The following ZFYVE21 variants were observed in gnomAD, a reference collection of about 807,000 sequenced individuals.
ZFYVE21 encodes zinc finger FYVE-type containing 21.
Under a neutral mutation model 29.5 loss-of-function variants are expected in ZFYVE21, and 21 were observed. The ratio of observed to expected loss-of-function variants is 0.71; its 90% CI spans 0.50 to 1.02. ZFYVE21 has a LOEUF of 1.02. ZFYVE21 is among the 50% of genes least tolerant of loss of function. The probability of loss-of-function intolerance (pLI) is 0.00; values close to 1 mark genes in which losing one functional copy is unlikely to be tolerated. For synonymous variants in ZFYVE21, 151 were observed against 133.8 expected (o/e 1.13, Z -0.89); for missense variants, 326 against 335.4 (o/e 0.97, Z 0.22).
Position 103,716,572 on chromosome 14 carries a change from C to T in ZFYVE21, c.138+593C>T, listed in dbSNP as rs543487564. ...GCGGGCCAGGCTGCCCCCCGTTTCC[C>T]TTCGTCTATACCACCCTCCACCTCG... On this transcript the variant is annotated intron_variant, in intron 1 of 6. Coordinates refer to ENST00000311141, the MANE Select transcript of ZFYVE21 (RefSeq NM_024071.4). The surrounding 1 kb of genome is among the most constrained non-coding windows in gnomAD (Gnocchi z 4.8). Among the ~76,000 whole-genome samples, 1 of 152,358 alleles carries T rather than the reference C, an allele frequency of 6.6e-6. No homozygotes were observed. The highest frequency in any genetic ancestry group is 1.5e-5 in the Non-Finnish European group (1 of 68,028).
chr14:103,732,215 C>T (rs1392871315), intron 5 of ZFYVE21: 1 of 159,374 alleles, frequency 6.3e-6, no homozygotes, highest in Non-Finnish European at 1.4e-5. Context: ...GTGGCCTCCA[C>T]TCTTCCCCCA....
At chr14:103,722,907 C>G (rs2083885932) in intron 1 of ZFYVE21, among the ~76,000 whole-genome samples, 1 of 152,128 alleles carries the variant, frequency 6.6e-6, no homozygotes, top group East Asian at 1.9e-4. Context: ...GCCTCAGCCT[C>G]CCAAAGTGCT....
intron 1 of ZFYVE21, among the ~76,000 whole-genome samples, chr14:103,722,172 G>A (rs1488372885): frequency 6.6e-6 from 1 of 151,934 alleles, no homozygotes; most frequent in African/African-American, 2.4e-5. Context: ...TTCATCCATT[G>A]CTTTATTTCA....
Position 103,726,950 on chromosome 14 carries a change from T to TTTTTTTTTG in ZFYVE21, c.189+116_189+117insGTTTTTTTT, listed in dbSNP as rs2083931940. 1.2e-4 allele frequency: 116 copies of TTTTTTTTTG among 967,998 alleles called. 2 individuals are homozygous for TTTTTTTTTG. Among genetic ancestry groups the TTTTTTTTTG allele is most frequent in the Admixed American group, 1.9e-4 (6 of 31,990 alleles). 60.0% of individuals were successfully genotyped at this position (967,998 alleles called of 1,614,324 possible). On this transcript the variant is annotated intron_variant, in intron 2 of 6. Transcript: ENST00000311141. ...GGACGGATGTCATCTTATGGCTCGT[T>TTTTTTTTTG]TTTTTTTTTTTTGAGACGGAGTTTC...
intron 1 of ZFYVE21, among the ~76,000 whole-genome samples, chr14:103,722,436 C>T (rs2151951251): frequency 6.7e-6 from 1 of 148,566 alleles, no homozygotes; most frequent in African/African-American, 2.5e-5. Flanking sequence ...CTCACTGCAG[C>T]CTCGACCTCC....
chr14:103,720,133 C>T (rs112618833), intron 1 of ZFYVE21, among the ~76,000 whole-genome samples: 2 of 152,098 alleles, frequency 1.3e-5, no homozygotes, highest in African/African-American at 2.4e-5. Context: ...CACCCCACCG[C>T]GGGGTCCCTG....
At chr14:103,717,666 C>T (rs944937676) in intron 1 of ZFYVE21, among the ~76,000 whole-genome samples, 3 of 152,246 alleles carry the variant, frequency 2.0e-5, no homozygotes, top group South Asian at 2.1e-4. Flanking sequence ...TGGCACCCCT[C>T]GTGGAAGAGA....
chr14:103,723,670 G>A (rs1020398270), intron 1 of ZFYVE21, among the ~76,000 whole-genome samples: 1 of 152,174 alleles, frequency 6.6e-6, no homozygotes, highest in Non-Finnish European at 1.5e-5. Flanking sequence ...CGCCACAACC[G>A]GGACCTCTGT....
chr14:103,722,528 A>G (rs2083882005), intron 1 of ZFYVE21, among the ~76,000 whole-genome samples: 1 of 152,000 alleles, frequency 6.6e-6, no homozygotes, highest in South Asian at 2.1e-4. Context: ...CTCATTAAAA[A>G]AAATGTTCAG....
intron 1 of ZFYVE21, among the ~76,000 whole-genome samples, chr14:103,721,032 C>T (rs186215151): frequency 8.2e-4 from 125 of 152,196 alleles, no homozygotes; most frequent in African/African-American, 2.9e-3. Context: ...TGCTATGTTG[C>T]TCAGGCTGGT....
In ZFYVE21 at chr14:103,729,702, G is replaced by A. The variant is rs752440895; in HGVS notation, c.526+520G>A. ...ATCTGCAAACTGTGCTGACAGATGC[G>A]TGTGCCGTAACCCATGTTGCTTTCC... On this transcript the variant is annotated intron_variant, in intron 5 of 6. Transcript: ENST00000311141. 48 of 1,437,454 alleles carry A rather than the reference G, an allele frequency of 3.3e-5. No individual in the cohort carries two copies. In the African/African-American group the frequency reaches 4.1e-4, roughly 12 times the overall value. The allele number at this position is 1,437,454 out of a possible 1,614,324, so 89.0% of individuals were successfully genotyped here.
chr14:103,728,024 C>A, intron 3 of ZFYVE21, 110 bp downstream of exon 3: 1 of 1,176,356 alleles, frequency 8.5e-7, no homozygotes, highest in Non-Finnish European at 1.2e-6. Flanking sequence ...GACGTTCTCT[C>A]GCCCTCCCTC....
chr14:103,726,949 T>TTTTTTTTTTTG (rs367638180), intron 2 of ZFYVE21, 107 bp downstream of exon 2: 206,338 of 666,426 alleles, frequency 0.31, 14,889 homozygotes, highest in Non-Finnish European at 0.33. Flanking sequence ...TTATGGCTCG[T>TTTTTTTTTTTG]TTTTTTTTTT....
At chr14:103,719,773 C>A (rs565237233) in intron 1 of ZFYVE21, among the ~76,000 whole-genome samples, 1 of 152,290 alleles carries the variant, frequency 6.6e-6, no homozygotes, top group South Asian at 2.1e-4. Context: ...TCATGAGATA[C>A]TGCCAGGGAC....
intron 1 of ZFYVE21, among the ~76,000 whole-genome samples, chr14:103,717,612 G>A (rs1487140658): frequency 6.6e-6 from 1 of 152,164 alleles, no homozygotes; most frequent in Non-Finnish European, 1.5e-5. Flanking sequence ...TGGCAGTCCC[G>A]CGGTGACTTC....
At chr14:103,717,065 T>C (rs1428435920) in intron 1 of ZFYVE21, among the ~76,000 whole-genome samples, 1 of 151,932 alleles carries the variant, frequency 6.6e-6, no homozygotes, top group Non-Finnish European at 1.5e-5. Flanking sequence ...TGAAGCTTGG[T>C]TGGAGGCCTG....
chr14:103,724,232 C>T (rs765916993), intron 1 of ZFYVE21, among the ~76,000 whole-genome samples: 4 of 152,244 alleles, frequency 2.6e-5, no homozygotes, highest in Admixed American at 6.5e-5. Context: ...TGCTCGGCCC[C>T]GGTGACCCCA....
Position 103,727,741 on chromosome 14 carries a change from C to T in ZFYVE21, c.190-5C>T. 1.2e-6 allele frequency: 2 copies of T among 1,605,496 alleles called. No individual in the cohort carries two copies. Among genetic ancestry groups the T allele is most frequent in the Non-Finnish European group, 8.5e-7 (1 of 1,179,352 alleles). On this transcript the variant is annotated splice_polypyrimidine_tract_variant and splice_region_variant and intron_variant, in intron 2 of 6. Transcript: ENST00000311141. ...CTCACTGCCAATCCTCCCGCATCTG[C>T]CCAGCACCACTGTCGCCGCTGCGGG...
chr14:103,726,180 G>C (rs1272439784), intron 1 of ZFYVE21: 1 of 152,316 alleles, frequency 6.6e-6, no homozygotes, highest in African/African-American at 2.4e-5. Flanking sequence ...CTGCTTCCAG[G>C]GGTTCCCTCA....
Sources: gnomAD v4.1 joint callset for allele counts (sites outside exome capture counted in the v4.1 genomes callset) on GRCh38, gnomAD v4.1.1 for gene constraint, Gnocchi (gnomAD v3.1) non-coding constraint, MANE v1.5 for transcripts, NCBI Gene and HGNC (gene_info 2026-07-23, HGNC 2026-07-21) for gene names.